The following ATP2B2 variants were observed in gnomAD, a reference collection of about 807,000 sequenced individuals.
ATP2B2 encodes ATPase plasma membrane Ca2+ transporting 2, also known as plasma membrane calcium-transporting ATPase 2.
Under a neutral mutation model 120.0 loss-of-function variants are expected in ATP2B2, and 15 were observed. The observed-to-expected ratio is 0.12, with a 90% CI of 0.08 to 0.19. The LOEUF (loss-of-function observed/expected upper bound fraction) is 0.19. ATP2B2 is among the 10% of genes least tolerant of loss of function. The probability of loss-of-function intolerance (pLI) is 1.00; values close to 1 mark genes in which losing one functional copy is unlikely to be tolerated. For missense variants in ATP2B2, 1,045 were observed against 1,719.8 expected, an observed-to-expected ratio of 0.61 and a Z score of 6.94; for synonymous variants, 694 against 700.3, an observed-to-expected ratio of 0.99 and a Z score of 0.14.
intron 1 of ATP2B2, among the ~76,000 whole-genome samples, chr3:10,450,405 G>A (rs1253448432): frequency 6.6e-6 from 1 of 151,810 alleles, no homozygotes; most frequent in Non-Finnish European, 1.5e-5. Flanking sequence ...CAAATACACG[G>A]TTCCCAGGTT....
At chr3:10,697,867 C>T (rs2071762750) in intron 1 of ATP2B2, among the ~76,000 whole-genome samples, 1 of 152,230 alleles carries the variant, frequency 6.6e-6, no homozygotes. Flanking sequence ...CAATACTTTT[C>T]TCAATACCTA....
intron 1 of ATP2B2, among the ~76,000 whole-genome samples, chr3:10,640,206 G>A (rs2070134235): frequency 1.3e-5 from 2 of 152,154 alleles, no homozygotes; most frequent in South Asian, 2.1e-4. Context: ...GATTTGAACC[G>A]ATGTCTATCT....
intron 1 of ATP2B2, among the ~76,000 whole-genome samples, chr3:10,655,973 G>A (rs186817465): frequency 1.3e-5 from 2 of 152,300 alleles, no homozygotes; most frequent in Admixed American, 1.3e-4. Context: ...TTCTTCTCTT[G>A]GAGAACATAG....
At chr3:10,438,533 G>A (rs757552387) in intron 2 of ATP2B2, among the ~76,000 whole-genome samples, 21 of 152,222 alleles carry the variant, frequency 1.4e-4, no homozygotes, top group Non-Finnish European at 2.9e-4. Context: ...CTTTGGGGTG[G>A]AGGCTAGGGC....
chr3:10,676,686 G>T (rs892530156), intron 1 of ATP2B2, among the ~76,000 whole-genome samples: 1 of 152,180 alleles, frequency 6.6e-6, no homozygotes, highest in Non-Finnish European at 1.5e-5. Context: ...GTTCTAGAAA[G>T]TCCTCCCTAA....
chr3:10,634,538 T>C (rs1419666506), intron 1 of ATP2B2, among the ~76,000 whole-genome samples: 1 of 152,198 alleles, frequency 6.6e-6, no homozygotes, highest in Non-Finnish European at 1.5e-5. Flanking sequence ...ATTCCAAAAA[T>C]AGCCCCAGGA....
chr3:10,598,611 C>T (rs1234466655), intron 2 of ATP2B2, among the ~76,000 whole-genome samples: 10 of 152,196 alleles, frequency 6.6e-5, no homozygotes, highest in Admixed American at 1.3e-4. Context: ...TTACTCTAGA[C>T]GGCTTCTTAC....
rs189937705 is a variant in ATP2B2 at position 10,495,746 on chromosome 3, C to A, written c.-320+9719G>T. 1.6e-4 allele frequency among the ~76,000 whole-genome samples: 25 copies of A among 152,304 alleles called. No individual in the cohort carries two copies. The East Asian group carries it at 4.6e-3, about 28-fold the overall frequency. On this transcript the variant is annotated intron_variant, in intron 1 of 22. Transcript: ENST00000360273. The stretch of plus-strand genomic sequence containing the variant: ...GCTACTCCCTGAGTGCAGGAGTGGC[C>A]CAGGCCACATACTCTTCACCACACT...
At chr3:10,476,528 C>T (rs1327766469) in intron 1 of ATP2B2, among the ~76,000 whole-genome samples, 1 of 152,156 alleles carries the variant, frequency 6.6e-6, no homozygotes, top group Non-Finnish European at 1.5e-5. Context: ...GCTTGGAGAC[C>T]CCCAGTAAGG....
intron 2 of ATP2B2, among the ~76,000 whole-genome samples, chr3:10,600,343 G>A (rs1477281846): frequency 6.6e-6 from 1 of 152,118 alleles, no homozygotes; most frequent in Non-Finnish European, 1.5e-5. Context: ...CCAGTCACCT[G>A]CCCCCAGGCT....
At chr3:10,333,343 G>C (rs2060031715) in intron 22 of ATP2B2, among the ~76,000 whole-genome samples, 1 of 152,092 alleles carries the variant, frequency 6.6e-6, no homozygotes, top group Non-Finnish European at 1.5e-5. Flanking sequence ...GGAGTTGTGG[G>C]GTAGTGGGGC....
intron 2 of ATP2B2, among the ~76,000 whole-genome samples, chr3:10,605,651 C>G (rs919465382): frequency 8.4e-5 from 5 of 59,664 alleles, no homozygotes; most frequent in African/African-American, 3.7e-4. Flanking sequence ...CCTATCTTTA[C>G]AGTTTTTTTT....
intron 1 of ATP2B2, among the ~76,000 whole-genome samples, chr3:10,492,113 G>C (rs2065955433): frequency 6.6e-6 from 1 of 152,142 alleles, no homozygotes. Flanking sequence ...AATGACTGTA[G>C]TTTAAAAAAG....
chr3:10,661,459 A>C (rs1331918815), intron 1 of ATP2B2, among the ~76,000 whole-genome samples: 1 of 152,184 alleles, frequency 6.6e-6, no homozygotes, highest in Non-Finnish European at 1.5e-5. Context: ...CCAATAACAG[A>C]CAAACAGAGA....
intron 1 of ATP2B2, among the ~76,000 whole-genome samples, chr3:10,696,207 C>A (rs1304774421): frequency 6.6e-6 from 1 of 152,216 alleles, no homozygotes; most frequent in Admixed American, 6.5e-5. Flanking sequence ...CACTTCCACT[C>A]AATTTCTGAC....
chr3:10,642,503 A>T (rs776826112), intron 1 of ATP2B2, among the ~76,000 whole-genome samples: 35 of 152,176 alleles, frequency 2.3e-4, no homozygotes, highest in Non-Finnish European at 4.1e-4. Context: ...ACCCTGTAGA[A>T]CAAAAAAGTC....
At chr3:10,393,607 G>C (rs1440908303) in intron 5 of ATP2B2, among the ~76,000 whole-genome samples, 2 of 152,198 alleles carry the variant, frequency 1.3e-5, no homozygotes, top group Non-Finnish European at 2.9e-5. Context: ...TGGTGGGAGA[G>C]CTGTCTGGGG....
chr3:10,376,898 G>T (rs1426596428), intron 10 of ATP2B2, among the ~76,000 whole-genome samples: 1 of 152,218 alleles, frequency 6.6e-6, no homozygotes, highest in Admixed American at 6.5e-5. Flanking sequence ...ATGGGATCGG[G>T]AGAGGCTGGG....
At chr3:10,338,637 A>C in intron 21 of ATP2B2, 1 of 451,962 alleles carries the variant, frequency 2.2e-6, no homozygotes, top group Non-Finnish European at 4.0e-6. Flanking sequence ...ATAGTGGACA[A>C]TCTTGGCCTC....
Sources: allele counts gnomAD v4.1 joint callset (sites outside exome capture counted in the v4.1 genomes callset), GRCh38; gene constraint gnomAD v4.1.1; transcripts MANE v1.5; gene names NCBI Gene and HGNC (gene_info 2026-07-23, HGNC 2026-07-21).